The following TIAM1 variants were observed in gnomAD, a reference collection of about 807,000 sequenced individuals.
TIAM1 encodes rho guanine nucleotide exchange factor TIAM1.
In TIAM1, 65 loss-of-function variants were observed where a neutral mutation model predicts 163.5. That is an observed-to-expected ratio of 0.40 (90% CI 0.33 to 0.49). The LOEUF (loss-of-function observed/expected upper bound fraction) is 0.49. Among genes scored for constraint, TIAM1 ranks in the 20% least tolerant of loss-of-function variants. TIAM1 has a pLI of 0.77. For synonymous variants in TIAM1, 833 were observed against 810.1 expected, an observed-to-expected ratio of 1.03 and a Z score of -0.48; for missense variants, 1,789 against 2,044.7, an observed-to-expected ratio of 0.87 and a Z score of 2.41.
At chr21:31,209,838 G>A (rs1449299273) in intron 11 of TIAM1, among the ~76,000 whole-genome samples, 2 of 152,212 alleles carry the variant, frequency 1.3e-5, no homozygotes, top group African/African-American at 4.8e-5. Flanking sequence ...CTACTTAGAA[G>A]AGTTCCTCTC....
chr21:31,147,285 G>A (rs2083168303), intron 19 of TIAM1, among the ~76,000 whole-genome samples: 1 of 151,992 alleles, frequency 6.6e-6, no homozygotes, highest in Non-Finnish European at 1.5e-5. Flanking sequence ...AACCTATCCG[G>A]GCTGTTTGAA....
chr21:31,222,705 ATATTTTTTTTTTTTTTT>A (rs1222082967), intron 8 of TIAM1, among the ~76,000 whole-genome samples: 206 of 35,142 alleles, frequency 5.9e-3, no homozygotes, highest in African/African-American at 0.027. Flanking sequence ...ATATATATAT[ATATTTTTTTTTTTTTTT>A]TTTTTTTTTT....
chr21:31,323,746 G>T (rs927882592), intron 2 of TIAM1, among the ~76,000 whole-genome samples: 1 of 152,098 alleles, frequency 6.6e-6, no homozygotes, highest in African/African-American at 2.4e-5. Context: ...CAGGAGAATC[G>T]CTAGAGCCCG....
intron 6 of TIAM1, among the ~76,000 whole-genome samples, chr21:31,244,827 A>C (rs2071408705): frequency 6.6e-6 from 1 of 152,246 alleles, no homozygotes; most frequent in Non-Finnish European, 1.5e-5. Flanking sequence ...TAATTCTTCA[A>C]TGGAATCAAT....
intron 2 of TIAM1, among the ~76,000 whole-genome samples, chr21:31,427,208 C>G (rs879601208): frequency 6.6e-6 from 1 of 152,174 alleles, no homozygotes; most frequent in Non-Finnish European, 1.5e-5. Flanking sequence ...GGTCATCGAC[C>G]GGGCACAGTG....
rs1568980522 is a variant in TIAM1, at chr21:31,181,753, CTTCTTTTTTTTTTTTTTTTTTTTTT to C, written c.2887+643_2887+667del. Among the ~76,000 whole-genome samples the C allele has an allele frequency of 3.3e-3, 132 of 39,486 alleles. 11 individuals carry two copies. The highest frequency in any genetic ancestry group is 9.2e-3 in the African/African-American group (121 of 13,134). The allele number at this position is 39,486 out of a possible 152,430, so 25.9% of individuals were successfully genotyped here. On this transcript the variant is annotated intron_variant, in intron 15 of 27. Coordinates refer to ENST00000541036, the MANE Select transcript of TIAM1 (RefSeq NM_001353694.2). ...ATTCCCAGCACTTCTTCTTCTTCTT[CTTCTTTTTTTTTTTTTTTTTTTTTT>C]TTTTTTTTTTTTTTTTTTTTTTTTT...
At chr21:31,142,932 G>A (rs1173996754) in intron 20 of TIAM1, among the ~76,000 whole-genome samples, 2 of 152,186 alleles carry the variant, frequency 1.3e-5, no homozygotes, top group Non-Finnish European at 2.9e-5. Flanking sequence ...GGGATGATAC[G>A]AAGCCGTGGC....
chr21:31,285,788 G>A (rs1278471148), intron 2 of TIAM1, among the ~76,000 whole-genome samples: 1 of 152,150 alleles, frequency 6.6e-6, no homozygotes, highest in East Asian at 1.9e-4. Context: ...TTGAACCCAG[G>A]AGGTGGAGGC....
At chr21:31,535,207 C>G (rs1213724638) in intron 1 of TIAM1, among the ~76,000 whole-genome samples, 3 of 151,642 alleles carry the variant, frequency 2.0e-5, no homozygotes, top group Non-Finnish European at 2.9e-5. Flanking sequence ...ATGGTGAAAC[C>G]CTGTCTCTAC....
At chr21:31,188,748 A>AT (rs755879365) in intron 13 of TIAM1, among the ~76,000 whole-genome samples, 25 of 151,452 alleles carry the variant, frequency 1.7e-4, no homozygotes, top group Non-Finnish European at 2.7e-4. Flanking sequence ...TGATTTTTTA[A>AT]TTTTTTTTAG....
In TIAM1 at chr21:31,373,809, G is replaced by A. The variant is rs80171702; in HGVS notation, c.-368-34387C>T. Among the ~76,000 whole-genome samples, 729 of 152,218 alleles carry A rather than the reference G, an allele frequency of 4.8e-3. 11 individuals are homozygous for A. The highest frequency in any genetic ancestry group is 0.046 in the East Asian group (237 of 5,176). On this transcript the variant is annotated intron_variant, in intron 2 of 28. Transcript: ENST00000286827. Reference sequence around the variant, plus strand: ...AGAAAATGATCAAATCTAGCCATGCGTCTACATAAATATACTTCCTTTTCC... The same window carrying A: ...AGAAAATGATCAAATCTAGCCATGCATCTACATAAATATACTTCCTTTTCC...
At chr21:31,259,951 C>G (rs845969) in intron 4 of TIAM1, among the ~76,000 whole-genome samples, 54,853 of 151,164 alleles carry the variant, frequency 0.36, 10,120 homozygotes, top group African/African-American at 0.43. Flanking sequence ...TATTGTATTA[C>G]TTTAGAGATA....
intron 3 of TIAM1, among the ~76,000 whole-genome samples, chr21:31,269,883 G>A (rs1040836163): frequency 1.3e-5 from 2 of 152,114 alleles, no homozygotes; most frequent in African/African-American, 4.8e-5. Context: ...ATGTTAGCCA[G>A]GATGGTCTCA....
intron 2 of TIAM1, among the ~76,000 whole-genome samples, chr21:31,291,578 CA>C (rs1460091660): frequency 6.6e-6 from 1 of 152,254 alleles, no homozygotes; most frequent in East Asian, 1.9e-4. Context: ...GGCGACAACA[CA>C]ATGGCGTGAT....
At chr21:31,385,010 G>A (rs924030172) in intron 2 of TIAM1, among the ~76,000 whole-genome samples, 2 of 152,124 alleles carry the variant, frequency 1.3e-5, no homozygotes, top group Non-Finnish European at 2.9e-5. Context: ...TTGGAGGTGG[G>A]GGCTAGTGGG....
At chr21:31,186,620 A>C (rs1715667123) in intron 14 of TIAM1, among the ~76,000 whole-genome samples, 1 of 151,990 alleles carries the variant, frequency 6.6e-6, no homozygotes, top group South Asian at 2.1e-4. Flanking sequence ...AAAATAAATA[A>C]GTAAATAAAT....
chr21:31,345,278 A>G (rs1043429774), upstream of TIAM1, among the ~76,000 whole-genome samples: 1 of 152,168 alleles, frequency 6.6e-6, no homozygotes, highest in Non-Finnish European at 1.5e-5. Context: ...CCATACTGCA[A>G]GGGACTTTCC....
intron 11 of TIAM1, among the ~76,000 whole-genome samples, chr21:31,205,726 G>A (rs1403699471): frequency 6.6e-6 from 1 of 152,180 alleles, no homozygotes; most frequent in Non-Finnish European, 1.5e-5. Flanking sequence ...ATCACTTTGG[G>A]AGGCCAAGGT....
intron 2 of TIAM1, among the ~76,000 whole-genome samples, chr21:31,309,677 C>G (rs1398223908): frequency 6.6e-6 from 1 of 152,074 alleles, no homozygotes; most frequent in African/African-American, 2.4e-5. Flanking sequence ...GGCCTACAAG[C>G]CCTGGAGAGC....
Sources: allele counts gnomAD v4.1 joint callset (sites outside exome capture counted in the v4.1 genomes callset), GRCh38; gene constraint gnomAD v4.1.1; transcripts MANE v1.5; gene names NCBI Gene and HGNC (gene_info 2026-07-23, HGNC 2026-07-21).